Variants in SHANK2 observed in about 807,000 individuals in gnomAD.
SHANK2 encodes the protein SH3 and multiple ankyrin repeat domains protein 2.
A neutral mutation model predicts 133.7 loss-of-function variants in SHANK2; 43 were observed. The ratio of observed to expected loss-of-function variants is 0.32; its 90% CI spans 0.25 to 0.41. SHANK2 has a LOEUF of 0.41. SHANK2 is among the 10% of genes least tolerant of loss of function. The pLI is 1.00. For synonymous variants in SHANK2, 1,017 were observed against 952.8 expected, an observed-to-expected ratio of 1.07 and a Z score of -1.24; for missense variants, 1,994 against 2,235.8, an observed-to-expected ratio of 0.89 and a Z score of 2.18.
intron 13 of SHANK2, among the ~76,000 whole-genome samples, chr11:70,802,892 T>C (rs1948076581): frequency 6.6e-6 from 1 of 152,198 alleles, no homozygotes; most frequent in Non-Finnish European, 1.5e-5. Flanking sequence ...GCCTCACCCA[T>C]GGCCACGAAC....
intron 10 of SHANK2, among the ~76,000 whole-genome samples, chr11:70,910,019 C>T (rs1221493079): frequency 3.3e-5 from 5 of 152,114 alleles, no homozygotes; most frequent in East Asian, 1.9e-4. Flanking sequence ...TGCACTGGGC[C>T]GCCTTCTCTC....
intron 14 of SHANK2, among the ~76,000 whole-genome samples, chr11:70,722,318 C>T (rs1433148248): frequency 6.6e-6 from 1 of 152,242 alleles, no homozygotes; most frequent in Non-Finnish European, 1.5e-5. Context: ...CAATAGGATG[C>T]TCCTCACGCT....
chr11:70,862,162 C>T (rs1457481315), intron 11 of SHANK2, among the ~76,000 whole-genome samples: 2 of 152,214 alleles, frequency 1.3e-5, no homozygotes, highest in Non-Finnish European at 2.9e-5. Context: ...ACTGATGGCA[C>T]ACCTGCCCAG....
At chr11:71,240,443 C>T (rs1267688088) in intron 1 of SHANK2, among the ~76,000 whole-genome samples, 1 of 152,166 alleles carries the variant, frequency 6.6e-6, no homozygotes, top group African/African-American at 2.4e-5. Context: ...AAAGGAAGCA[C>T]ATCAGCAGGA....
chr11:70,919,711 G>A (rs782545887), intron 10 of SHANK2, among the ~76,000 whole-genome samples: 21 of 152,078 alleles, frequency 1.4e-4, no homozygotes, highest in Non-Finnish European at 2.2e-4. Flanking sequence ...CTATCTCAGC[G>A]AAATTGTGTA....
intron 3 of SHANK2, among the ~76,000 whole-genome samples, chr11:71,139,736 C>T (rs1952517077): frequency 6.6e-6 from 1 of 152,160 alleles, no homozygotes; most frequent in Non-Finnish European, 1.5e-5. Context: ...TGCCCAGAGC[C>T]CACCCCACCA....
At chr11:70,691,515 T>C (rs1471425264) in intron 15 of SHANK2, among the ~76,000 whole-genome samples, 2 of 152,216 alleles carry the variant, frequency 1.3e-5, no homozygotes, top group South Asian at 2.1e-4. Context: ...TCTGTGGTTG[T>C]GATGCCTTCC....
chr11:70,808,085 T>C (rs1555052415), intron 12 of SHANK2, among the ~76,000 whole-genome samples: 1 of 152,096 alleles, frequency 6.6e-6, no homozygotes, highest in Non-Finnish European at 1.5e-5. Context: ...AGATGGATGG[T>C]GGTGATGGCT....
At chr11:70,899,096 C>T (rs146655815) in intron 10 of SHANK2, among the ~76,000 whole-genome samples, 11 of 152,294 alleles carry the variant, frequency 7.2e-5, no homozygotes, top group South Asian at 6.2e-4. Context: ...CAAAGACTTA[C>T]GGGCAGGACC....
intron 11 of SHANK2, among the ~76,000 whole-genome samples, chr11:70,885,513 C>A (rs1949725318): frequency 6.6e-6 from 1 of 152,206 alleles, no homozygotes; most frequent in Non-Finnish European, 1.5e-5. Context: ...CTGAACAGTG[C>A]TCCATTTGGC....
intron 2 of SHANK2, among the ~76,000 whole-genome samples, chr11:71,160,191 A>G (rs1481892379): frequency 6.6e-6 from 1 of 152,168 alleles, no homozygotes; most frequent in African/African-American, 2.4e-5. Context: ...CACAGTGAAA[A>G]TGCAGTCCCA....
chr11:70,612,719 C>T (rs1051354607), intron 17 of SHANK2, among the ~76,000 whole-genome samples: 1 of 152,274 alleles, frequency 6.6e-6, no homozygotes, highest in Non-Finnish European at 1.5e-5. Context: ...CTAGCACTCA[C>T]TGTCACCTGC....
chr11:71,209,862 G>A (rs1244753248), intron 2 of SHANK2, among the ~76,000 whole-genome samples: 6 of 152,148 alleles, frequency 3.9e-5, no homozygotes, highest in East Asian at 1.9e-4. Flanking sequence ...CTGGCACCCC[G>A]TGGGGGCTCT....
chr11:70,632,370 C>T (rs1200918899), intron 17 of SHANK2, among the ~76,000 whole-genome samples: 2 of 152,046 alleles, frequency 1.3e-5, no homozygotes, highest in Admixed American at 1.3e-4. Flanking sequence ...CGTGATCCGC[C>T]CGCCTCAGCC....
At chr11:70,706,793 T>C (rs546285721) in intron 14 of SHANK2, among the ~76,000 whole-genome samples, 2 of 151,890 alleles carry the variant, frequency 1.3e-5, no homozygotes, top group South Asian at 4.2e-4. Context: ...AATATACCTT[T>C]TGGGACTCAC....
intron 8 of SHANK2, among the ~76,000 whole-genome samples, chr11:71,090,395 C>T (rs1343508581): frequency 1.9e-5 from 1 of 52,052 alleles, no homozygotes; most frequent in Non-Finnish European, 3.5e-5. Flanking sequence ...TCCCCTGCTG[C>T]TTCTACATTC....
chr11:71,234,362 A>AAAATAAATAAATAAATAAAT (rs60796828), intron 1 of SHANK2, among the ~76,000 whole-genome samples: 12 of 141,054 alleles, frequency 8.5e-5, no homozygotes, highest in African/African-American at 2.5e-4. Flanking sequence ...ACTCATCTCA[A>AAAATAAATAAATAAATAAAT]AAATAAATAA....
At chr11:70,572,845 C>G (rs2060063442) in intron 17 of SHANK2, among the ~76,000 whole-genome samples, 1 of 152,184 alleles carries the variant, frequency 6.6e-6, no homozygotes, top group African/African-American at 2.4e-5. Flanking sequence ...GCTTGGCCGT[C>G]TCTCAAACTT....
At chr11:71,201,459 T>C (rs1555117122) in intron 2 of SHANK2, among the ~76,000 whole-genome samples, 1 of 152,192 alleles carries the variant, frequency 6.6e-6, no homozygotes, top group African/African-American at 2.4e-5. Flanking sequence ...TGCACTCCAA[T>C]GCCATGATGG....
Sources: allele counts gnomAD v4.1 joint callset (sites outside exome capture counted in the v4.1 genomes callset), GRCh38; gene constraint gnomAD v4.1.1; transcripts MANE v1.5; gene names NCBI Gene and HGNC (gene_info 2026-07-23, HGNC 2026-07-21).